OPCML: variants seen among roughly 807,000 people sequenced by gnomAD.
The protein encoded by OPCML is opioid-binding protein/cell adhesion molecule.
Under a neutral mutation model 37.8 loss-of-function variants are expected in OPCML, and 13 were observed. The ratio of observed to expected loss-of-function variants is 0.34; its 90% confidence interval spans 0.22 to 0.55. The LOEUF (loss-of-function observed/expected upper bound fraction) is 0.55. OPCML is among the 20% of genes least tolerant of loss of function. The pLI is 0.91. For synonymous variants in OPCML, 176 were observed against 168.8 expected, an observed-to-expected ratio of 1.04 and a Z score of -0.33; for missense variants, 341 against 435.6, an observed-to-expected ratio of 0.78 and a Z score of 1.93.
intron 2 of OPCML, among the ~76,000 whole-genome samples, chr11:132,755,451 C>G (rs1212417841): frequency 6.6e-6 from 1 of 152,090 alleles, no homozygotes; most frequent in Non-Finnish European, 1.5e-5. Flanking sequence ...CTGATTTATT[C>G]AAACTTGGAT....
Position 132,942,952 on chromosome 11 carries a change from G to A in OPCML, c.120C>T (p.Val40=). Residue 40 remains valine (V), a synonymous_variant, in exon 2 of 8, where the codon GTC becomes GTT. Coordinates refer to ENST00000524381, the MANE Select transcript of OPCML (RefSeq NM_001012393.5). The part of the protein sequence containing the change: ...TFPKAMDNVT[V]RQGESATLRC... Reference sequence around the variant, plus strand: ...TGAGGGTGGCGCTCTCCCCCTGCCGGACCGTCACGTTGTCCATAGCTTTGG... The same window carrying A: ...TGAGGGTGGCGCTCTCCCCCTGCCGAACCGTCACGTTGTCCATAGCTTTGG... 1 of 1,614,108 alleles carries A rather than the reference G, an allele frequency of 6.2e-7. No individual in the cohort carries two copies. Among genetic ancestry groups the A allele is most frequent in the East Asian group, 2.2e-5 (1 of 44,858 alleles).
chr11:132,528,990 G>A (rs554398068), intron 4 of OPCML, 71 bp downstream of exon 4: 1 of 843,054 alleles, frequency 1.2e-6, no homozygotes, highest in East Asian at 2.7e-5. Context: ...GATTCCTGAA[G>A]CTCTGTTGTG....
intron 4 of OPCML, among the ~76,000 whole-genome samples, chr11:132,443,609 T>C (rs1191572135): frequency 2.0e-5 from 3 of 152,200 alleles, no homozygotes; most frequent in Non-Finnish European, 2.9e-5. Flanking sequence ...TCTCAAAAGC[T>C]AGGTCACAAT....
chr11:133,094,681 G>T (rs1948969830), intron 1 of OPCML, among the ~76,000 whole-genome samples: 1 of 152,122 alleles, frequency 6.6e-6, no homozygotes, highest in South Asian at 2.1e-4. Context: ...TATTCAAATA[G>T]CAAGAGAGAG....
chr11:132,578,844 G>A (rs1437634536), intron 3 of OPCML, among the ~76,000 whole-genome samples: 1 of 152,104 alleles, frequency 6.6e-6, no homozygotes, highest in African/African-American at 2.4e-5. Context: ...AACAATTGAT[G>A]CATGGCTGGA....
chr11:133,022,484 GT>G (rs111241420), intron 1 of OPCML, among the ~76,000 whole-genome samples: 1,931 of 144,338 alleles, frequency 0.013, 22 homozygotes, highest in Middle Eastern at 0.018. Context: ...CCCAATAGGT[GT>G]TTTTTTTTTT....
chr11:133,259,698 T>TA (rs1446514786), intron 1 of OPCML, among the ~76,000 whole-genome samples: 2 of 152,182 alleles, frequency 1.3e-5, no homozygotes, highest in African/African-American at 2.4e-5. Flanking sequence ...AGAATTACAG[T>TA]AAAAAATAGA....
chr11:133,074,155 T>C (rs1490509798), intron 1 of OPCML, among the ~76,000 whole-genome samples: 1 of 152,256 alleles, frequency 6.6e-6, no homozygotes, highest in African/African-American at 2.4e-5. Context: ...TTTCAATATG[T>C]AAATCTACTT....
At chr11:132,429,350 C>T (rs2095988717) in intron 7 of OPCML, among the ~76,000 whole-genome samples, 2 of 152,072 alleles carry the variant, frequency 1.3e-5, no homozygotes, top group Non-Finnish European at 1.5e-5. Context: ...GATGAGGGAA[C>T]CAGTGAGAGG....
At chr11:133,436,182 C>T (rs981096876) in intron 1 of OPCML, among the ~76,000 whole-genome samples, 1 of 151,946 alleles carries the variant, frequency 6.6e-6, no homozygotes, top group Non-Finnish European at 1.5e-5. Context: ...AGAACAACAA[C>T]AAAATACTAT....
At chr11:132,838,434 C>A (rs1243723741) in intron 2 of OPCML, among the ~76,000 whole-genome samples, 2 of 152,142 alleles carry the variant, frequency 1.3e-5, no homozygotes, top group Non-Finnish European at 2.9e-5. Flanking sequence ...GTCAAGCAGA[C>A]ATTTGGCCTG....
chr11:133,479,404 A>G (rs773693951), intron 1 of OPCML, among the ~76,000 whole-genome samples: 4 of 152,200 alleles, frequency 2.6e-5, no homozygotes, highest in African/African-American at 9.6e-5. Flanking sequence ...GCTCAGCCCT[A>G]CCTCAGCCTG....
rs1423421416 is a variant in OPCML, at chr11:132,811,103, A to C, written c.146+131823T>G. Among the ~76,000 whole-genome samples, 5 of 152,150 alleles carry C rather than the reference A, an allele frequency of 3.3e-5. No homozygotes were observed. In the South Asian group the frequency reaches 6.2e-4, roughly 19 times the overall value. ...GGTGCCCCCCAAGAGCTGTGCACTA[A>C]CTACCTACAAGCTCCTTGCAAAGGG... On this transcript the variant is annotated intron_variant, in intron 2 of 7. Transcript: ENST00000524381.
chr11:133,155,073 T>C (rs1008331201), intron 1 of OPCML, among the ~76,000 whole-genome samples: 1 of 152,146 alleles, frequency 6.6e-6, no homozygotes, highest in African/African-American at 2.4e-5. Context: ...TCACCTCTTA[T>C]GCTACTGGGA....
chr11:132,492,209 CTG>C (rs1565609547), intron 4 of OPCML, among the ~76,000 whole-genome samples: 1 of 151,870 alleles, frequency 6.6e-6, no homozygotes, highest in Non-Finnish European at 1.5e-5. Flanking sequence ...CTGGCCTTTA[CTG>C]TGAGTGAAAA....
At chr11:132,435,146 A>T (rs1178928218) in intron 7 of OPCML, 2 of 1,277,062 alleles carry the variant, frequency 1.6e-6, no homozygotes, top group Non-Finnish European at 1.0e-6. Flanking sequence ...AGGAAGGAAC[A>T]TGCTGTACCC....
chr11:132,946,751 G>A (rs959499860), intron 1 of OPCML, among the ~76,000 whole-genome samples: 2 of 152,166 alleles, frequency 1.3e-5, no homozygotes, highest in Non-Finnish European at 2.9e-5. Context: ...AGAGAGGAGA[G>A]GCTGGGGGCT....
chr11:133,488,554 A>G (rs1232273835), intron 1 of OPCML, among the ~76,000 whole-genome samples: 2 of 152,208 alleles, frequency 1.3e-5, no homozygotes, highest in African/African-American at 4.8e-5. Context: ...CAAGAAGGTG[A>G]AAGATACCTA....
At chr11:132,921,859 C>T (rs540418283) in intron 2 of OPCML, among the ~76,000 whole-genome samples, 1 of 152,160 alleles carries the variant, frequency 6.6e-6, no homozygotes, top group East Asian at 1.9e-4. Context: ...TATTGAGGCC[C>T]TCCATTGAGT....
Sources: gnomAD v4.1 joint callset for allele counts (sites outside exome capture counted in the v4.1 genomes callset) on GRCh38, gnomAD v4.1.1 for gene constraint, MANE v1.5 for transcripts, NCBI Gene and HGNC (gene_info 2026-07-23, HGNC 2026-07-21) for gene names.